Variants in EPB41L3 observed in about 807,000 individuals in gnomAD.
EPB41L3 encodes erythrocyte membrane protein band 4.1 like 3, also known as band 4.1-like protein 3.
In EPB41L3, 57 loss-of-function variants were observed where a neutral mutation model predicts 127.1. The observed-to-expected ratio is 0.45, with a 90% CI of 0.36 to 0.56. The LOEUF is 0.56. Ranked by LOEUF, EPB41L3 falls within the 20% of genes least tolerant of loss-of-function variation. EPB41L3 has a pLI of 0.00. For synonymous variants in EPB41L3, 572 were observed against 549.5 expected (o/e 1.04, Z -0.57); for missense variants, 1,273 against 1,372.2 (o/e 0.93, Z 1.14).
chr18:5,488,939 T>TA (rs2090234245), intron 2 of EPB41L3, 62 bp downstream of exon 2: 1 of 1,507,714 alleles, frequency 6.6e-7, no homozygotes, highest in Admixed American at 2.2e-5. Context: ...AGACCAAGGT[T>TA]AAAGCCGATC....
intron 1 of EPB41L3, among the ~76,000 whole-genome samples, chr18:5,491,725 A>T (rs1271687866): frequency 1.3e-5 from 2 of 152,186 alleles, no homozygotes; most frequent in Non-Finnish European, 2.9e-5. Context: ...TAATATAATA[A>T]ATGCAAATTG....
chr18:5,450,208 CAG>C (rs2082100992), intron 3 of EPB41L3, among the ~76,000 whole-genome samples: 1 of 151,876 alleles, frequency 6.6e-6, no homozygotes, highest in Non-Finnish European at 1.5e-5. Context: ...AGGCGGCTAA[CAG>C]GGGATGTGGG....
intron 8 of EPB41L3, among the ~76,000 whole-genome samples, chr18:5,433,075 G>A (rs1408444196): frequency 2.6e-5 from 4 of 152,336 alleles, no homozygotes; most frequent in African/African-American, 7.2e-5. Context: ...CAGGGAAAGC[G>A]TAGAAACAGA....
intron 16 of EPB41L3, chr18:5,400,918 G>T: frequency 1.8e-6 from 2 of 1,142,698 alleles, no homozygotes; most frequent in Admixed American, 2.0e-5. Context: ...TAATGACACT[G>T]AAGTCTGAAG....
chr18:5,493,408 C>A (rs1483001935), intron 1 of EPB41L3, among the ~76,000 whole-genome samples: 1 of 151,874 alleles, frequency 6.6e-6, no homozygotes, highest in Non-Finnish European at 1.5e-5. Context: ...ACCTTTTTTT[C>A]TTTTATATTT....
chr18:5,481,145 A>C (rs2088414716), intron 2 of EPB41L3, among the ~76,000 whole-genome samples: 1 of 152,192 alleles, frequency 6.6e-6, no homozygotes, highest in South Asian at 2.1e-4. Context: ...CTATTTATAG[A>C]GTGAAAATAA....
upstream of EPB41L3, chr18:5,544,221 G>C (rs907442653): frequency 2.0e-6 from 2 of 985,546 alleles, no homozygotes; most frequent in African/African-American, 3.5e-5. Flanking sequence ...TCCTGGCGCA[G>C]GGTCAGGCTC....
In EPB41L3 at chr18:5,438,098, T is replaced by C; in HGVS notation, c.542A>G (p.His181Arg). 3 of 1,613,646 alleles carry C rather than the reference T, an allele frequency of 1.9e-6. No homozygotes were observed. The highest frequency in any genetic ancestry group is 2.2e-5 in the South Asian group (2 of 91,044). ...ATAAAATTTCACATTAAATGAAAAG[T>C]GCCAAGCACCACCTGCAAGGATGGA... ...IKKQVRSGAW[H>R]FSFNVKFYPP... The change falls in exon 6 of 23, where the codon CAC becomes CGC. Residue 181 changes from histidine to arginine, a missense_variant. Around this residue, in one of 3 missense-constraint regions of EPB41L3, gnomAD observed 326 missense variants for 440.2 expected, o/e 0.74. Transcript: ENST00000341928.
chr18:5,431,482 CTTTT>C (rs1439332666), intron 8 of EPB41L3: 1 of 152,086 alleles, frequency 6.6e-6, no homozygotes, highest in African/African-American at 2.4e-5. Context: ...TTAATTCTTT[CTTTT>C]TAATTGGCAT....
intron 3 of EPB41L3, among the ~76,000 whole-genome samples, chr18:5,477,603 T>G (rs1475133055): frequency 6.6e-6 from 1 of 152,228 alleles, no homozygotes; most frequent in Non-Finnish European, 1.5e-5. Flanking sequence ...GTCAGCTGTC[T>G]CTGCAGTTCC....
intron 16 of EPB41L3, chr18:5,398,628 C>T (rs895705969): frequency 1.0e-5 from 4 of 401,842 alleles, no homozygotes; most frequent in Non-Finnish European, 1.3e-5. Context: ...CAAACTGTGG[C>T]CCCAATGAGT....
At chr18:5,400,638 TCAACTTCATC>T in intron 16 of EPB41L3, 1 of 474,740 alleles carries the variant, frequency 2.1e-6, no homozygotes, top group Non-Finnish European at 4.2e-6. Flanking sequence ...TCAAAATCAG[TCAACTTCATC>T]TAAATTAGCA....
At chr18:5,471,303 T>G (rs146580080) in intron 3 of EPB41L3, among the ~76,000 whole-genome samples, 39 of 152,252 alleles carry the variant, frequency 2.6e-4, no homozygotes, top group Admixed American at 5.9e-4. Flanking sequence ...CAATTCTGAG[T>G]GGCCAAGTCA....
At chr18:5,441,756 G>A (rs1012033242) in intron 5 of EPB41L3, among the ~76,000 whole-genome samples, 7 of 152,182 alleles carry the variant, frequency 4.6e-5, no homozygotes, top group Non-Finnish European at 1.0e-4. Context: ...GAGCCACCGC[G>A]CCCGGCCTCG....
intron 1 of EPB41L3, among the ~76,000 whole-genome samples, chr18:5,516,320 A>G (rs1303613592): frequency 6.6e-6 from 1 of 152,168 alleles, no homozygotes; most frequent in Non-Finnish European, 1.5e-5. Context: ...ATTTATCTCG[A>G]TTATAGGGAT....
chr18:5,551,605 A>T (rs959236793), intron 3 of EPB41L3, among the ~76,000 whole-genome samples: 2 of 152,132 alleles, frequency 1.3e-5, no homozygotes, highest in East Asian at 3.9e-4. Context: ...CTGTGGTCCC[A>T]GGTACTCAGG....
chr18:5,454,983 A>T (rs549703428), intron 3 of EPB41L3, among the ~76,000 whole-genome samples: 5 of 152,344 alleles, frequency 3.3e-5, no homozygotes, highest in Admixed American at 6.5e-5. Context: ...TTCTACAACT[A>T]ATCAGCTCTG....
At chr18:5,452,712 C>T (rs971577625) in intron 3 of EPB41L3, among the ~76,000 whole-genome samples, 16 of 151,858 alleles carry the variant, frequency 1.1e-4, no homozygotes, top group Admixed American at 7.9e-4. Context: ...TCGAAAGAAA[C>T]GCAAAAACAC....
intron 5 of EPB41L3, among the ~76,000 whole-genome samples, chr18:5,439,674 G>A (rs773681875): frequency 2.6e-5 from 4 of 152,060 alleles, no homozygotes; most frequent in Admixed American, 6.5e-5. Flanking sequence ...ACACATTTTC[G>A]TAATTGTTTT....
Sources: gnomAD v4.1 joint callset for allele counts (sites outside exome capture counted in the v4.1 genomes callset) on GRCh38, gnomAD v4.1.1 for gene constraint, gnomAD v4.1.1 regional missense constraint, MANE v1.5 for transcripts, NCBI Gene and HGNC (gene_info 2026-07-23, HGNC 2026-07-21) for gene names.